FBXO31: variants seen among roughly 807,000 people sequenced by gnomAD.
FBXO31 encodes the protein F-box only protein 31.
In FBXO31, 24 loss-of-function variants were observed where a neutral mutation model predicts 54.4. That is an observed-to-expected ratio of 0.44 (90% CI 0.32 to 0.62). The LOEUF is 0.62. Ranked by LOEUF, FBXO31 falls within the 20% of genes least tolerant of loss-of-function variation. The probability of loss-of-function intolerance (pLI) is 0.05; values close to 1 mark genes in which losing one functional copy is unlikely to be tolerated. For synonymous variants in FBXO31, 388 were observed against 335.6 expected, an observed-to-expected ratio of 1.16 and a Z score of -1.71; for missense variants, 665 against 787.1, an observed-to-expected ratio of 0.84 and a Z score of 1.86.
At chr16:87,367,173 A>T (rs1241983758) in intron 1 of FBXO31, 1 of 152,222 alleles carries the variant, frequency 6.6e-6, no homozygotes, top group Non-Finnish European at 1.5e-5. Flanking sequence ...CTGTCTCAAA[A>T]AAATAAATAA....
rs1421861899 is a variant in FBXO31, at chr16:87,338,747, C to G, written c.733-2483G>C. The stretch of plus-strand genomic sequence containing the variant: ...CCCTCGAAGCCTCCCCTGTCCAGAG[C>G]CTGGCCCCTCCAACCTCCCTGGGCA... On this transcript the variant is annotated intron_variant, in intron 5 of 8. Transcript: ENST00000311635. The surrounding 1 kb of genome is among the most constrained non-coding windows in gnomAD (Gnocchi z 4.3). Among the ~76,000 whole-genome samples, 3 of 152,128 alleles carry G rather than the reference C, an allele frequency of 2.0e-5. No individual in the cohort carries two copies. The highest frequency in any genetic ancestry group is 7.2e-5 in the African/African-American group (3 of 41,436).
At chr16:87,368,048 C>G (rs1906443003) in intron 1 of FBXO31, 1 of 152,214 alleles carries the variant, frequency 6.6e-6, no homozygotes, top group African/African-American at 2.4e-5. Context: ...CCATGGCCAC[C>G]ATCATTCTCT....
chr16:87,331,759 G>C (rs564756624), intron 8 of FBXO31, among the ~76,000 whole-genome samples: 1 of 152,236 alleles, frequency 6.6e-6, no homozygotes, highest in East Asian at 1.9e-4. Flanking sequence ...GCCAGAGCTC[G>C]GGGCTGCTCG....
chr16:87,343,442 G>A (rs376171649), intron 4 of FBXO31, among the ~76,000 whole-genome samples, 156 bp downstream of exon 4: 3 of 152,372 alleles, frequency 2.0e-5, no homozygotes, highest in East Asian at 3.9e-4. Flanking sequence ...CCACGGAGGC[G>A]TAAACAATGC....
intron 4 of FBXO31, 62 bp downstream of exon 4, chr16:87,343,536 G>T (rs1412006556): frequency 6.5e-7 from 1 of 1,537,112 alleles, no homozygotes; most frequent in African/African-American, 1.4e-5. Flanking sequence ...CGGCAGGCCT[G>T]GCTGGAGCCC....
intron 1 of FBXO31, among the ~76,000 whole-genome samples, chr16:87,373,293 T>C (rs1322359398): frequency 3.3e-5 from 5 of 151,550 alleles, no homozygotes; most frequent in Non-Finnish European, 7.4e-5. Context: ...CTACTAAAAA[T>C]ACAAAAAAAT....
At chr16:87,351,856 G>A (rs922280905) in intron 2 of FBXO31, among the ~76,000 whole-genome samples, 5 of 152,110 alleles carry the variant, frequency 3.3e-5, no homozygotes, top group Admixed American at 6.6e-5. Flanking sequence ...GCGACAGACC[G>A]AGACTCTGTC....
At position 87,347,059 on chromosome 16, in the gene FBXO31, C is replaced by G. The variant is rs1466717505; in HGVS notation, c.489+115G>C. 5.4e-6 allele frequency: 5 copies of G among 928,856 alleles called. No individual in the cohort carries two copies. The African/African-American group carries it at 8.2e-5, about 15-fold the overall frequency. The allele number at this position is 928,856 out of a possible 1,614,324, so 57.5% of individuals were successfully genotyped here. ...AGAGCAAGAATTTTTTGGTAATTAC[C>G]TCAAACGCACATCTGGGCCAGCTTG... On this transcript the variant is annotated intron_variant, in intron 3 of 8. Coordinates refer to ENST00000311635, the MANE Select transcript of FBXO31 (RefSeq NM_024735.5).
intron 2 of FBXO31, among the ~76,000 whole-genome samples, chr16:87,352,814 T>C (rs768020384): frequency 6.6e-6 from 1 of 152,186 alleles, no homozygotes; most frequent in Non-Finnish European, 1.5e-5. Context: ...GAATTCAAAA[T>C]GAAGCCAAAT....
In FBXO31 at chr16:87,355,136, T is replaced by C. The variant is rs769147557; in HGVS notation, c.412+5159A>G. ...ACTTTGGGAGGTCAAGGCAGAAGGA[T>C]TGCTTGAAGCCAGGAGTTTAAGACC... On this transcript the variant is annotated intron_variant, in intron 2 of 8. Transcript: ENST00000311635. Among the ~76,000 whole-genome samples, 11 of 152,092 alleles carry C rather than the reference T, an allele frequency of 7.2e-5. No homozygotes were observed. In the South Asian group the frequency reaches 1.2e-3, roughly 17 times the overall value.
intron 1 of FBXO31, among the ~76,000 whole-genome samples, chr16:87,364,190 C>T (rs576276152): frequency 2.6e-5 from 4 of 152,296 alleles, no homozygotes; most frequent in South Asian, 2.1e-4. Flanking sequence ...AGACAAAGTG[C>T]GGCAACAGGG....
At chr16:87,363,371 C>A (rs1906218824) in intron 1 of FBXO31, among the ~76,000 whole-genome samples, 1 of 152,110 alleles carries the variant, frequency 6.6e-6, no homozygotes, top group African/African-American at 2.4e-5. Context: ...GCAACAAGAG[C>A]AAGACTCTGC....
intron 1 of FBXO31, among the ~76,000 whole-genome samples, chr16:87,364,505 G>A (rs1232455668): frequency 6.6e-6 from 1 of 152,166 alleles, no homozygotes; most frequent in Non-Finnish European, 1.5e-5. Context: ...CTGTCAATGT[G>A]GAAGTCAGAA....
intron 1 of FBXO31, among the ~76,000 whole-genome samples, chr16:87,371,757 T>C (rs920764538): frequency 6.6e-6 from 1 of 152,198 alleles, no homozygotes; most frequent in African/African-American, 2.4e-5. Context: ...ACAAACAGGA[T>C]CAGTGAGCGC....
rs940264145 is a variant in FBXO31 at position 87,336,878 on chromosome 16, G to A, written c.733-614C>T. Among the ~76,000 whole-genome samples the A allele has an allele frequency of 1.3e-5, 2 of 152,154 alleles. No homozygotes were observed. The highest frequency in any genetic ancestry group is 2.4e-5 in the African/African-American group (1 of 41,428). ...CATCACATGGTGCTGAGGATATTTC[G>A]TGCTTAATGGTTTGATTCTACACAA... On this transcript the variant is annotated intron_variant, in intron 5 of 8. Coordinates refer to ENST00000311635, the MANE Select transcript of FBXO31 (RefSeq NM_024735.5). This position sits in a 1 kb window ranked among gnomAD's most constrained non-coding sequence, Gnocchi z 6.5.
In FBXO31 at chr16:87,383,381, G is replaced by GCCCCC; in HGVS notation, c.340+23_340+24insGGGGG. 7.1e-7 allele frequency: 1 copy of GCCCCC among 1,417,858 alleles called. No individual in the cohort carries two copies. Among genetic ancestry groups the GCCCCC allele is most frequent in the Non-Finnish European group, 9.6e-7 (1 of 1,041,908 alleles). The allele number at this position is 1,417,858 out of a possible 1,614,324, so 87.8% of individuals were successfully genotyped here. The stretch of plus-strand genomic sequence containing the variant: ...TGGCAGGGACCCCCCGCCCCTCCCG[G>GCCCCC]CCCCGCCACCCCCGCGCGCTCACCC... On this transcript the variant is annotated intron_variant, in intron 1 of 8. Transcript: ENST00000311635. This position sits in a 1 kb window ranked among gnomAD's most constrained non-coding sequence, Gnocchi z 4.9.
intron 2 of FBXO31, among the ~76,000 whole-genome samples, chr16:87,350,476 G>A (rs566006602): frequency 6.6e-6 from 1 of 152,234 alleles, no homozygotes; most frequent in East Asian, 1.9e-4. Flanking sequence ...TTACTTTACG[G>A]TCACACCTAG....
chr16:87,374,516 A>G lies in FBXO31; in HGVS notation c.340+8889T>C, dbSNP rs541193899. ...TTCCTACTGAATGTGTGTCACTCTC[A>G]TGCCAGCCGGACAGTCCTAAGCCCG... On this transcript the variant is annotated intron_variant, in intron 1 of 8. Transcript: ENST00000311635. 8.9e-4 allele frequency among the ~76,000 whole-genome samples: 135 copies of G among 152,376 alleles called. 1 individual carries two copies. Among genetic ancestry groups the G allele is most frequent in the Admixed American group, 8.8e-3 (134 of 15,302 alleles).
At chr16:87,333,748 C>T in intron 8 of FBXO31, 138 bp downstream of exon 8, 1 of 1,348,102 alleles carries the variant, frequency 7.4e-7, no homozygotes, top group Non-Finnish European at 1.0e-6. Context: ...TCAGAGGCCG[C>T]ACTCCTGTCC....
Sources: gnomAD v4.1 joint callset for allele counts (sites outside exome capture counted in the v4.1 genomes callset) on GRCh38, gnomAD v4.1.1 for gene constraint, Gnocchi (gnomAD v3.1) non-coding constraint, MANE v1.5 for transcripts, NCBI Gene and HGNC (gene_info 2026-07-23, HGNC 2026-07-21) for gene names.